PCDHGA12: variants seen among roughly 807,000 people sequenced by gnomAD.
PCDHGA12 encodes protocadherin gamma-A12.
Under a neutral mutation model 61.1 loss-of-function variants are expected in PCDHGA12, and 43 were observed. That is an observed-to-expected ratio of 0.70 (90% confidence interval 0.55 to 0.91). PCDHGA12 has a LOEUF of 0.91. Ranked by LOEUF, PCDHGA12 falls within the 40% of genes least tolerant of loss-of-function variation. PCDHGA12 has a pLI of 0.00. For missense variants in PCDHGA12, 1,236 were observed against 1,227.7 expected (o/e 1.01, Z -0.10); for synonymous variants, 520 against 542.9 (o/e 0.96, Z 0.59).
chr5:141,486,345 A>C lies in PCDHGA12; in HGVS notation c.2425-8462A>C. On this transcript the variant is annotated intron_variant, in intron 1 of 3. Coordinates refer to ENST00000252085, the MANE Select transcript of PCDHGA12 (RefSeq NM_003735.3). This position sits in a 1 kb window ranked among gnomAD's most constrained non-coding sequence, Gnocchi z 5.0. Reference sequence around the variant, plus strand: ...GGAGATGTGAGCCTCCGCATTCCTGACCACTTGCCATTTGCCCTCAAGTCT... The same window carrying C: ...GGAGATGTGAGCCTCCGCATTCCTGCCCACTTGCCATTTGCCCTCAAGTCT... The C allele has an allele frequency of 6.2e-7, 1 of 1,613,940 alleles. No homozygotes were observed. The highest frequency in any genetic ancestry group is 8.5e-7 in the Non-Finnish European group (1 of 1,179,986).
Position 141,485,954 on chromosome 5 carries a change from C to T in PCDHGA12, c.2425-8853C>T, listed in dbSNP as rs2154580519. The T allele has an allele frequency of 6.2e-7, 1 of 1,614,190 alleles. No individual in the cohort carries two copies. The highest frequency in any genetic ancestry group is 8.5e-7 in the Non-Finnish European group (1 of 1,180,038). ...GGAGAGCGCACCAGCGGGCATGGTG[C>T]TCATCCAGCTCAATGCCTCAGACCC... On this transcript the variant is annotated intron_variant, in intron 1 of 3. Coordinates refer to ENST00000252085, the MANE Select transcript of PCDHGA12 (RefSeq NM_003735.3). The surrounding 1 kb of genome is among the most constrained non-coding windows in gnomAD (Gnocchi z 5.7).
intron 1 of PCDHGA12, chr5:141,478,484 C>T (rs376021397): frequency 6.2e-7 from 1 of 1,613,458 alleles, no homozygotes; most frequent in South Asian, 1.1e-5. Flanking sequence ...GAACACGCTG[C>T]GGAGCTGTGA....
Position 141,431,677 on chromosome 5 carries a change from G to T in PCDHGA12, c.918G>T (p.Glu306Asp). The T allele has an allele frequency of 1.2e-6, 2 of 1,614,236 alleles. No homozygotes were observed. Among genetic ancestry groups the T allele is most frequent in the Non-Finnish European group, 1.7e-6 (2 of 1,180,050 alleles). ...CNSGTISTIGELDHEESGFYQ... is the reference protein window; with the variant it reads ...CNSGTISTIGDLDHEESGFYQ... ...CAGGGACAATATCAACAATAGGGGAGTTGGACCACGAGGAGTCAGGATTCT... is the reference window on the plus strand; with the variant it reads ...CAGGGACAATATCAACAATAGGGGATTTGGACCACGAGGAGTCAGGATTCT... The change falls in exon 1 of 4, where the codon GAG becomes GAT. Residue 306 changes from glutamate (E) to aspartate (D), a missense_variant. Coordinates refer to ENST00000252085, the MANE Select transcript of PCDHGA12 (RefSeq NM_003735.3). The surrounding 1 kb of genome is among the most constrained non-coding windows in gnomAD (Gnocchi z 4.8).
In PCDHGA12 at chr5:141,505,470, C is replaced by T. The variant is rs1241228956; in HGVS notation, c.2561C>T (p.Ala854Val). Reference protein sequence around the residue: ...DTEMLQAMILASASEAADGSS... With the variant: ...DTEMLQAMILVSASEAADGSS... ...GAGATGCTGCAAGCCATGATCTTGG[C>T]GTCCGCCAGTGGTAAGTGGTGTCAG... The change falls in exon 3 of 4, where the codon GCG becomes GTG. Residue 854 changes from alanine (A) to valine (V), a missense_variant. By Grantham distance (64) the Ala-to-Val change is moderately conservative. Transcript: ENST00000252085. 2 of 1,614,068 alleles carry T rather than the reference C, an allele frequency of 1.2e-6. No individual in the cohort carries two copies. Among genetic ancestry groups the T allele is most frequent in the Non-Finnish European group, 8.5e-7 (1 of 1,180,010 alleles).
Position 141,490,522 on chromosome 5 carries a change from G to A in PCDHGA12, c.2425-4285G>A, listed in dbSNP as rs191201177. ...CTATATCATCGAGCTGCTGGCCAGC[G>A]ATGCTGGTTCACCTTCCCTACACAA... On this transcript the variant is annotated intron_variant, in intron 1 of 3. Transcript: ENST00000252085. This position sits in a 1 kb window ranked among gnomAD's most constrained non-coding sequence, Gnocchi z 5.4. 5.0e-6 allele frequency: 8 copies of A among 1,614,054 alleles called. No homozygotes were observed. Among genetic ancestry groups the A allele is most frequent in the Admixed American group, 3.3e-5 (2 of 60,010 alleles).
chr5:141,483,303 T>A (rs1222660132), intron 1 of PCDHGA12, among the ~76,000 whole-genome samples: 1 of 152,146 alleles, frequency 6.6e-6, no homozygotes, highest in Non-Finnish European at 1.5e-5. Context: ...GTGAAGGGAC[T>A]GGGGACATTG....
intron 1 of PCDHGA12, among the ~76,000 whole-genome samples, chr5:141,473,431 G>T (rs541546681): frequency 3.3e-5 from 5 of 152,148 alleles, no homozygotes; most frequent in Non-Finnish European, 7.3e-5. Flanking sequence ...CAGATACTTT[G>T]CTTATGCAAA....
intron 2 of PCDHGA12, among the ~76,000 whole-genome samples, chr5:141,502,654 C>T (rs1424933188): frequency 6.6e-6 from 1 of 152,230 alleles, no homozygotes; most frequent in South Asian, 2.1e-4. Context: ...TAGGCAGCAA[C>T]CCTTCATGCA....
At chr5:141,473,750 G>A (rs777343462) in intron 1 of PCDHGA12, among the ~76,000 whole-genome samples, 3 of 152,192 alleles carry the variant, frequency 2.0e-5, no homozygotes, top group Non-Finnish European at 4.4e-5. Context: ...TGAGAACTTG[G>A]ATACTATGCA....
At position 141,464,471 on chromosome 5, in the gene PCDHGA12, G is replaced by A. The variant is rs142068327; in HGVS notation, c.2425-30336G>A. On this transcript the variant is annotated intron_variant, in intron 1 of 3. Coordinates refer to ENST00000252085, the MANE Select transcript of PCDHGA12 (RefSeq NM_003735.3). ...TTGTTGTTATTTTTGAAGTATGTAC[G>A]TATAATAAATTCCTAATAGTGTGAT... Among the ~76,000 whole-genome samples, 204 of 151,612 alleles carry A rather than the reference G, an allele frequency of 1.3e-3. 1 individual carries two copies. The highest frequency in any genetic ancestry group is 2.3e-3 in the Non-Finnish European group (156 of 67,928).
chr5:141,438,583 CATACATACATATATAT>C (rs1183800202), intron 1 of PCDHGA12, among the ~76,000 whole-genome samples: 1 of 57,610 alleles, frequency 1.7e-5, no homozygotes, highest in African/African-American at 9.0e-5. Context: ...TACATACATA[CATACATACATATATAT>C]ATATATATAT....
chr5:141,495,434 G>A (rs1038100521), intron 2 of PCDHGA12, among the ~76,000 whole-genome samples: 2 of 152,196 alleles, frequency 1.3e-5, no homozygotes, highest in Non-Finnish European at 2.9e-5. Flanking sequence ...ACTGTCCTCT[G>A]CCCCTACTTG....
At position 141,432,180 on chromosome 5, in the gene PCDHGA12, T is replaced by G. The variant is rs943491593; in HGVS notation, c.1421T>G (p.Val474Gly). 2 of 1,614,044 alleles carry G rather than the reference T, an allele frequency of 1.2e-6. No homozygotes were observed. The highest frequency in any genetic ancestry group is 1.7e-6 in the Non-Finnish European group (2 of 1,180,036). ...CCCAGAGGAGTTTCCCTCGTCTCTG[T>G]GACCGCCCACGACCCCGACTGTGAA... ...NNPRGVSLVS[V>G]TAHDPDCEEN... The change falls in exon 1 of 4, where the codon GTG becomes GGG. Residue 474 changes from valine to glycine, a missense_variant. Coordinates refer to ENST00000252085, the MANE Select transcript of PCDHGA12 (RefSeq NM_003735.3). This position sits in a 1 kb window ranked among gnomAD's most constrained non-coding sequence, Gnocchi z 6.0.
intron 1 of PCDHGA12, among the ~76,000 whole-genome samples, chr5:141,467,743 C>T (rs1166073224): frequency 8.5e-5 from 13 of 152,052 alleles, no homozygotes; most frequent in Non-Finnish European, 1.8e-4. Flanking sequence ...CTCGCTGCAA[C>T]CTCCGCCTCA....
Position 141,468,837 on chromosome 5 carries a change from G to A in PCDHGA12, c.2425-25970G>A, listed in dbSNP as rs550455857. ...GCCAAGATCAAGCCACTGCACTCCA[G>A]CCTGGGCAACAGAGCGAGACTCCAT... On this transcript the variant is annotated intron_variant, in intron 1 of 3. Transcript: ENST00000252085. 3.3e-5 allele frequency among the ~76,000 whole-genome samples: 5 copies of A among 152,228 alleles called. No homozygotes were observed. The East Asian group carries it at 9.7e-4, about 29-fold the overall frequency.
intron 1 of PCDHGA12, among the ~76,000 whole-genome samples, chr5:141,464,436 TTTG>T (rs1043492514): frequency 1.1e-4 from 17 of 151,396 alleles, no homozygotes; most frequent in Non-Finnish European, 1.9e-4. Flanking sequence ...GATATATATG[TTTG>T]TTGTTGTTGT....
chr5:141,434,440 T>C (rs1283641379), intron 1 of PCDHGA12, among the ~76,000 whole-genome samples: 2 of 152,238 alleles, frequency 1.3e-5, no homozygotes, highest in Non-Finnish European at 2.9e-5. Flanking sequence ...GTAATGCCCA[T>C]GCTGGAAGGT....
At chr5:141,510,286 A>G (rs1011677966) in intron 3 of PCDHGA12, among the ~76,000 whole-genome samples, 1 of 151,770 alleles carries the variant, frequency 6.6e-6, no homozygotes, top group African/African-American at 2.4e-5. Flanking sequence ...AAAAAAAAAA[A>G]AAAAATGCTG....
intron 1 of PCDHGA12, among the ~76,000 whole-genome samples, chr5:141,464,913 A>T (rs1035542028): frequency 1.3e-4 from 19 of 151,426 alleles, no homozygotes; most frequent in Admixed American, 1.2e-3. Context: ...TAATTTTTTT[A>T]TTTTTTTGTA....
Sources: allele counts gnomAD v4.1 joint callset (sites outside exome capture counted in the v4.1 genomes callset), GRCh38; gene constraint gnomAD v4.1.1; non-coding constraint Gnocchi (gnomAD v3.1); transcripts MANE v1.5; gene names NCBI Gene and HGNC (gene_info 2026-07-23, HGNC 2026-07-21).